CYYR1: variants seen among roughly 807,000 people sequenced by gnomAD.
CYYR1 encodes the protein cysteine and tyrosine rich 1.
CYYR1 carries 14 observed loss-of-function variants against 15.2 expected under a neutral mutation model. The observed-to-expected ratio is 0.92, with a 90% confidence interval of 0.61 to 1.44. CYYR1 has a LOEUF of 1.44. Ranked by LOEUF, CYYR1 falls within the 40% of genes most tolerant of loss-of-function variation. CYYR1 has a pLI of 0.00. For synonymous variants in CYYR1, 80 were observed against 77.4 expected (o/e 1.03, Z -0.18); for missense variants, 228 against 209.5 (o/e 1.09, Z -0.54).
At chr21:26,488,585 GTGTTTTGTTT>G (rs939292110) in intron 2 of CYYR1, among the ~76,000 whole-genome samples, 12 of 152,144 alleles carry the variant, frequency 7.9e-5, no homozygotes, top group South Asian at 6.2e-4. Context: ...CTTAAAGCTA[GTGTTTTGTTT>G]TGTTTTGTTT....
At chr21:26,502,993 T>C (rs1255830779) in intron 2 of CYYR1, among the ~76,000 whole-genome samples, 1 of 152,216 alleles carries the variant, frequency 6.6e-6, no homozygotes, top group Non-Finnish European at 1.5e-5. Flanking sequence ...AGTCTCTGTT[T>C]TATACTTGAT....
intron 2 of CYYR1, among the ~76,000 whole-genome samples, chr21:26,564,444 C>T (rs1180026035): frequency 6.6e-6 from 1 of 151,970 alleles, no homozygotes; most frequent in Non-Finnish European, 1.5e-5. Context: ...ACGATTTTTT[C>T]CCCCAAACAT....
chr21:26,534,346 T>A (rs1001323429), intron 2 of CYYR1, among the ~76,000 whole-genome samples: 2 of 152,206 alleles, frequency 1.3e-5, no homozygotes, highest in African/African-American at 4.8e-5. Context: ...TCAGAGGCAG[T>A]GGCCTCTCTA....
chr21:26,535,637 T>C (rs2065985067), intron 2 of CYYR1, among the ~76,000 whole-genome samples: 1 of 152,164 alleles, frequency 6.6e-6, no homozygotes, highest in African/African-American at 2.4e-5. Flanking sequence ...CTCTAAAAAC[T>C]AGGGGCTCTC....
chr21:26,572,100 T>C, intron 1 of CYYR1, among the ~76,000 whole-genome samples: 1 of 152,236 alleles, frequency 6.6e-6, no homozygotes, highest in Non-Finnish European at 1.5e-5. Context: ...CATAGGACGT[T>C]AGAGACACAA....
Position 26,573,122 on chromosome 21 carries a change from T to C in CYYR1, c.-182A>G. On this transcript the variant is annotated 5_prime_UTR_variant, in exon 1 of 4. Coordinates refer to ENST00000652641, the MANE Select transcript of CYYR1 (RefSeq NM_001320768.2). Reference sequence around the variant, plus strand: ...GCCGGGCGCGTCCCGGGCCAGCGACTGCGGGACTCCGCGGAGCTGGGGCGC... The same window carrying C: ...GCCGGGCGCGTCCCGGGCCAGCGACCGCGGGACTCCGCGGAGCTGGGGCGC... 4.0e-6 allele frequency: 6 copies of C among 1,506,766 alleles called. No homozygotes were observed. The highest frequency in any genetic ancestry group is 4.4e-6 in the Non-Finnish European group (5 of 1,132,846). The allele number at this position is 1,506,766 out of a possible 1,614,324, so 93.3% of individuals were successfully genotyped here.
At chr21:26,557,399 A>G in intron 2 of CYYR1, among the ~76,000 whole-genome samples, 1 of 152,206 alleles carries the variant, frequency 6.6e-6, no homozygotes, top group Non-Finnish European at 1.5e-5. Flanking sequence ...TTATGGTAAC[A>G]TATTCAATTC....
rs753205838 is a variant in CYYR1, at chr21:26,480,267, C to T, written c.334+5G>A. 6.4e-5 allele frequency: 103 copies of T among 1,602,186 alleles called. No homozygotes were observed. Among genetic ancestry groups the T allele is most frequent in the Admixed American group, 3.8e-4 (22 of 57,410 alleles). On this transcript the variant is annotated splice_donor_5th_base_variant and intron_variant, in intron 3 of 3. Transcript: ENST00000652641. ...GAGCCTTCGAGAGTCAACAGTTTTG[C>T]TCACCAGGATAGGAGGAGACGGTGT...
intron 2 of CYYR1, among the ~76,000 whole-genome samples, chr21:26,529,982 T>C (rs2065911263): frequency 6.6e-6 from 1 of 152,228 alleles, no homozygotes; most frequent in South Asian, 2.1e-4. Flanking sequence ...AACATTAATA[T>C]ATATCAACGG....
chr21:26,469,676 T>C (rs2065010488), intron 3 of CYYR1, among the ~76,000 whole-genome samples: 1 of 152,120 alleles, frequency 6.6e-6, no homozygotes. Context: ...TATATATTAT[T>C]GTTGACTATA....
intron 2 of CYYR1, among the ~76,000 whole-genome samples, chr21:26,485,528 G>A (rs147683998): frequency 1.4e-4 from 22 of 152,050 alleles, no homozygotes; most frequent in African/African-American, 4.3e-4. Flanking sequence ...TCTGTTCTCC[G>A]TTTCTGTAAT....
intron 2 of CYYR1, among the ~76,000 whole-genome samples, chr21:26,490,683 G>A (rs1391741987): frequency 3.9e-5 from 6 of 152,172 alleles, no homozygotes. Flanking sequence ...AACCAAATAT[G>A]TGAGGACCTA....
intron 1 of CYYR1, among the ~76,000 whole-genome samples, chr21:26,570,352 A>AAC (rs1239511077): frequency 6.6e-6 from 1 of 152,216 alleles, no homozygotes; most frequent in African/African-American, 2.4e-5. Flanking sequence ...GAATGCGCAG[A>AAC]ACAGGAAAAG....
At chr21:26,506,956 A>G (rs1268355550) in intron 2 of CYYR1, among the ~76,000 whole-genome samples, 2 of 152,212 alleles carry the variant, frequency 1.3e-5, no homozygotes, top group Non-Finnish European at 2.9e-5. Context: ...AGCAGTACTT[A>G]TAAGCTTTGA....
chr21:26,573,008 G>T lies in CYYR1; in HGVS notation c.-68C>A. ...AACCGGAGGGAATGGGGAGGATGGA[G>T]GGCGATCAGATGGAGAGAGCAGCGC... On this transcript the variant is annotated 5_prime_UTR_variant, in exon 1 of 4. Transcript: ENST00000652641. 1.2e-6 allele frequency: 2 copies of T among 1,611,316 alleles called. No individual in the cohort carries two copies. The highest frequency in any genetic ancestry group is 1.7e-6 in the Non-Finnish European group (2 of 1,178,832).
chr21:26,469,870 G>T (rs1037419702), intron 3 of CYYR1, among the ~76,000 whole-genome samples: 2 of 151,948 alleles, frequency 1.3e-5, no homozygotes, highest in East Asian at 3.9e-4. Flanking sequence ...AGTGGTTTCA[G>T]TTCCTTTCTC....
intron 2 of CYYR1, among the ~76,000 whole-genome samples, chr21:26,515,006 T>G (rs2065705309): frequency 6.6e-6 from 1 of 152,266 alleles, no homozygotes; most frequent in Non-Finnish European, 1.5e-5. Context: ...CAATGTGGTA[T>G]GCATGATAGT....
Position 26,467,584 on chromosome 21 carries a change from G to A in CYYR1, c.*917C>T, listed in dbSNP as rs1241941097. ...TAATTGATTTCTCATCTTTTACTTGGAAGTGAAGTGTCTGCTACCTGTGGA... is the reference window on the plus strand; with the variant it reads ...TAATTGATTTCTCATCTTTTACTTGAAAGTGAAGTGTCTGCTACCTGTGGA... On this transcript the variant is annotated 3_prime_UTR_variant, in exon 4 of 4. Transcript: ENST00000652641. The A allele has an allele frequency of 6.6e-6, 1 of 152,000 alleles. No homozygotes were observed. The highest frequency in any genetic ancestry group is 1.5e-5 in the Non-Finnish European group (1 of 67,998). The allele number at this position is 152,000 out of a possible 1,614,324, so 9.4% of individuals were successfully genotyped here.
intron 3 of CYYR1, among the ~76,000 whole-genome samples, chr21:26,479,304 A>G (rs1379440802): frequency 1.4e-5 from 2 of 146,778 alleles, no homozygotes; most frequent in African/African-American, 2.5e-5. Context: ...TGATAGAGGA[A>G]AAAAAAAAAA....
Sources: allele counts gnomAD v4.1 joint callset (sites outside exome capture counted in the v4.1 genomes callset), GRCh38; gene constraint gnomAD v4.1.1; transcripts MANE v1.5; gene names NCBI Gene and HGNC (gene_info 2026-07-23, HGNC 2026-07-21).